LHFPL2: variants seen among roughly 807,000 people sequenced by gnomAD.
LHFPL2 encodes LHFPL tetraspan subfamily member 2.
A neutral mutation model predicts 17.5 loss-of-function variants in LHFPL2; 7 were observed. That is an observed-to-expected ratio of 0.40 (90% CI 0.23 to 0.75). The LOEUF (loss-of-function observed/expected upper bound fraction) is 0.75. Ranked by LOEUF, LHFPL2 falls within the 30% of genes least tolerant of loss-of-function variation. The pLI is 0.37. For synonymous variants in LHFPL2, 134 were observed against 116.2 expected (o/e 1.15, Z -0.99); for missense variants, 241 against 294.8 (o/e 0.82, Z 1.34).
intron 3 of LHFPL2, among the ~76,000 whole-genome samples, chr5:78,564,565 A>G (rs2112415716): frequency 6.6e-6 from 1 of 152,330 alleles, no homozygotes; most frequent in Admixed American, 6.5e-5. Context: ...TGACAAACAA[A>G]GCATGTCAGA....
At chr5:78,605,604 G>A (rs926432869) in intron 2 of LHFPL2, among the ~76,000 whole-genome samples, 1 of 152,142 alleles carries the variant, frequency 6.6e-6, no homozygotes, top group African/African-American at 2.4e-5. Flanking sequence ...TAAGATAAGT[G>A]AAATCAAAGA....
At chr5:78,607,649 G>T (rs1744269199) in intron 2 of LHFPL2, among the ~76,000 whole-genome samples, 1 of 152,024 alleles carries the variant, frequency 6.6e-6, no homozygotes. Flanking sequence ...TGTAGTTACT[G>T]ACCCCAATCT....
At position 78,547,277 on chromosome 5, in the gene LHFPL2, T is replaced by C. The variant is rs575537921; in HGVS notation, c.-186+17536A>G. ...GAGGCAGAGCCCACAAACCACGATC[T>C]TGTGCTTCCTAAATGTTCCCAACAT... On this transcript the variant is annotated intron_variant, in intron 3 of 4. Transcript: ENST00000380345. Among the ~76,000 whole-genome samples, 8 of 152,360 alleles carry C rather than the reference T, an allele frequency of 5.3e-5. No individual in the cohort carries two copies. In the South Asian group the frequency reaches 1.5e-3, roughly 28 times the overall value.
intron 2 of LHFPL2, among the ~76,000 whole-genome samples, chr5:78,627,906 T>G (rs1330769246): frequency 6.6e-6 from 1 of 152,228 alleles, no homozygotes; most frequent in Non-Finnish European, 1.5e-5. Flanking sequence ...AGCAAAAGAC[T>G]AAGTCCCAAC....
At position 78,567,364 on chromosome 5, in the gene LHFPL2, AT is replaced by A. The variant is rs916798312; in HGVS notation, c.-244-2494del. 2.0e-3 allele frequency among the ~76,000 whole-genome samples: 297 copies of A among 150,424 alleles called. 3 individuals are homozygous for A. The highest frequency in any genetic ancestry group is 6.6e-3 in the African/African-American group (272 of 41,100). ...GGTTAGTTTACAGGGTGTGATTTTC[AT>A]TTTTTTTTTAAATATGCTATTTCGA... On this transcript the variant is annotated intron_variant, in intron 2 of 4. Coordinates refer to ENST00000380345, the MANE Select transcript of LHFPL2 (RefSeq NM_005779.3).
Position 78,528,251 on chromosome 5 carries a change from C to T in LHFPL2, c.-185-17853G>A, listed in dbSNP as rs957510829. 2.3e-4 allele frequency among the ~76,000 whole-genome samples: 35 copies of T among 152,224 alleles called. 1 individual carries two copies. The highest frequency in any genetic ancestry group is 8.8e-5 in the Non-Finnish European group (6 of 68,050). On this transcript the variant is annotated intron_variant, in intron 3 of 4. Transcript: ENST00000380345. The stretch of plus-strand genomic sequence containing the variant: ...CTTTATCGCAGGGGTCCCCAACCCC[C>T]AGGCCACAAACCAGTACCGGTCTGT...
At chr5:78,548,886 G>C (rs1756360155) in intron 3 of LHFPL2, 1 of 152,182 alleles carries the variant, frequency 6.6e-6, no homozygotes, top group African/African-American at 2.4e-5. Context: ...AAGCCTCCTA[G>C]AAAGTATCAG....
chr5:78,635,999 G>GAC (rs5868927), intron 1 of LHFPL2, among the ~76,000 whole-genome samples: 32,822 of 150,710 alleles, frequency 0.22, 3,585 homozygotes, highest in Admixed American at 0.26. Flanking sequence ...CACACACACA[G>GAC]ACACACACAC....
At chr5:78,610,477 T>C (rs1384117080) in intron 2 of LHFPL2, among the ~76,000 whole-genome samples, 1 of 152,006 alleles carries the variant, frequency 6.6e-6, no homozygotes, top group East Asian at 1.9e-4. Flanking sequence ...AAGATTCCAC[T>C]CGGAAGCCAA....
chr5:78,612,759 A>C (rs1389650567), intron 2 of LHFPL2, among the ~76,000 whole-genome samples: 1 of 152,254 alleles, frequency 6.6e-6, no homozygotes, highest in Non-Finnish European at 1.5e-5. Flanking sequence ...TGCCAGGCGC[A>C]GTCTTCAAAG....
At chr5:78,576,323 C>CA (rs113516737) in intron 2 of LHFPL2, among the ~76,000 whole-genome samples, 4,715 of 151,782 alleles carry the variant, frequency 0.031, 275 homozygotes, top group African/African-American at 0.11. Flanking sequence ...AATTTTTACT[C>CA]AAAAAAGAAT....
At chr5:78,546,199 A>G (rs1050213826) in intron 3 of LHFPL2, among the ~76,000 whole-genome samples, 1 of 152,226 alleles carries the variant, frequency 6.6e-6, no homozygotes, top group Admixed American at 6.5e-5. Flanking sequence ...TTTTCTCTAT[A>G]TTCTCTTTTC....
At chr5:78,613,228 A>T (rs1744477150) in intron 2 of LHFPL2, among the ~76,000 whole-genome samples, 1 of 152,200 alleles carries the variant, frequency 6.6e-6, no homozygotes, top group Admixed American at 6.5e-5. Flanking sequence ...AGTTTCTTGG[A>T]TGAGAAACAA....
At chr5:78,604,401 C>G (rs1046175820) in intron 2 of LHFPL2, among the ~76,000 whole-genome samples, 1 of 152,090 alleles carries the variant, frequency 6.6e-6, no homozygotes, top group Non-Finnish European at 1.5e-5. Flanking sequence ...GGCTTGAACC[C>G]GGGAGGCGGA....
At chr5:78,489,675 GTTACTATGTATTCCCACAGGGCT>G (rs1220829659) in intron 4 of LHFPL2, among the ~76,000 whole-genome samples, 1 of 152,200 alleles carries the variant, frequency 6.6e-6, no homozygotes, top group African/African-American at 2.4e-5. Context: ...TGGCCAACTT[GTTACTATGTATTCCCACAGGGCT>G]TTTGGTGCAC....
At chr5:78,596,867 CCTT>C (rs1459864651) in intron 2 of LHFPL2, among the ~76,000 whole-genome samples, 2 of 152,132 alleles carry the variant, frequency 1.3e-5, no homozygotes, top group African/African-American at 4.8e-5. Flanking sequence ...CAAATTTTTG[CCTT>C]CTTCCCATTA....
chr5:78,578,584 T>G (rs1757191907), intron 2 of LHFPL2, among the ~76,000 whole-genome samples: 2 of 103,290 alleles, frequency 1.9e-5, no homozygotes, highest in African/African-American at 8.6e-5. Flanking sequence ...CTTGCATATG[T>G]GCACACACAC....
At chr5:78,537,395 A>G (rs139915192) in intron 3 of LHFPL2, among the ~76,000 whole-genome samples, 11 of 152,312 alleles carry the variant, frequency 7.2e-5, no homozygotes, top group Non-Finnish European at 1.6e-4. Flanking sequence ...TGGGAAAAAA[A>G]AGATCTATTT....
intron 2 of LHFPL2, among the ~76,000 whole-genome samples, chr5:78,609,065 T>C (rs1744323296): frequency 6.6e-6 from 1 of 152,196 alleles, no homozygotes; most frequent in Non-Finnish European, 1.5e-5. Context: ...AAAATGTTTA[T>C]ACTCTGACTC....
Sources: gnomAD v4.1 joint callset for allele counts (sites outside exome capture counted in the v4.1 genomes callset) on GRCh38, gnomAD v4.1.1 for gene constraint, MANE v1.5 for transcripts, NCBI Gene and HGNC (gene_info 2026-07-23, HGNC 2026-07-21) for gene names.